The following ANKRD12 variants were observed in gnomAD, a reference collection of about 807,000 sequenced individuals.
ANKRD12 encodes the protein ankyrin repeat domain 12, also known as ankyrin repeat domain-containing protein 12.
A neutral mutation model predicts 183.4 loss-of-function variants in ANKRD12; 85 were observed. The observed-to-expected ratio is 0.46, with a 90% CI of 0.39 to 0.56. The LOEUF (loss-of-function observed/expected upper bound fraction) is 0.56, where lower values mean the gene tolerates loss of function less well. Ranked by LOEUF, ANKRD12 falls within the 20% of genes least tolerant of loss-of-function variation. The pLI, the probability that ANKRD12 is intolerant of heterozygous loss-of-function variation, is 0.00. For synonymous variants in ANKRD12, 914 were observed against 800.2 expected (o/e 1.14, Z -2.40); for missense variants, 2,405 against 2,357.1 (o/e 1.02, Z -0.42).
rs182831176 is a variant in ANKRD12, at chr18:9,158,247, G to A, written c.-52+21282G>A. On this transcript the variant is annotated intron_variant, in intron 1 of 12. Coordinates refer to ENST00000262126, the MANE Select transcript of ANKRD12 (RefSeq NM_015208.5). Reference sequence around the variant, plus strand: ...CATCTTACATTGGGATGATACATATGTCCCAAATAAAAAACCAATATTAAT... The same window carrying A: ...CATCTTACATTGGGATGATACATATATCCCAAATAAAAAACCAATATTAAT... Among the ~76,000 whole-genome samples the A allele has an allele frequency of 2.0e-5, 3 of 152,202 alleles. No homozygotes were observed. The East Asian group carries it at 5.8e-4, about 29-fold the overall frequency.
rs1567974038 is a variant in ANKRD12 at position 9,255,867 on chromosome 18, TAAAA to T, written c.2601_2604del (p.Ile867MetfsTer55). On this transcript the variant is annotated frameshift_variant, in exon 9 of 13. Coordinates refer to ENST00000262126, the MANE Select transcript of ANKRD12 (RefSeq NM_015208.5). LOFTEE classifies it high-confidence loss of function. ...GATCTTAGTGAATGTGTTGATAAAATAAAAGAAAAGGACAAGCTATATTCGCATC... is the reference window on the plus strand; with the variant it reads ...GATCTTAGTGAATGTGTTGATAAAATGAAAAGGACAAGCTATATTCGCATC... 3 of 1,586,678 alleles carry T rather than the reference TAAAA, an allele frequency of 1.9e-6. No individual in the cohort carries two copies. Among genetic ancestry groups the T allele is most frequent in the African/African-American group, 1.4e-5 (1 of 72,900 alleles).
chr18:9,227,959 A>G (rs1048573097), intron 8 of ANKRD12, among the ~76,000 whole-genome samples: 3 of 152,012 alleles, frequency 2.0e-5, no homozygotes, highest in Non-Finnish European at 4.4e-5. Flanking sequence ...TCCCCCACCA[A>G]TCCCCTTCCC....
At chr18:9,245,038 A>C (rs1488005968) in intron 8 of ANKRD12, among the ~76,000 whole-genome samples, 1 of 152,210 alleles carries the variant, frequency 6.6e-6, no homozygotes, top group Non-Finnish European at 1.5e-5. Context: ...ATAAAATATC[A>C]CTAAAATATA....
At chr18:9,270,168 CTG>C (rs1374047227) in intron 10 of ANKRD12, among the ~76,000 whole-genome samples, 1 of 152,230 alleles carries the variant, frequency 6.6e-6, no homozygotes, top group African/African-American at 2.4e-5. Context: ...GTTGGTGGGA[CTG>C]TAAACTAGTT....
intron 10 of ANKRD12, among the ~76,000 whole-genome samples, chr18:9,265,819 C>G (rs1355762814): frequency 6.6e-6 from 1 of 152,134 alleles, no homozygotes; most frequent in Non-Finnish European, 1.5e-5. Flanking sequence ...GATCAAACTA[C>G]TCCGAGATAA....
chr18:9,188,018 T>C (rs2034214148), intron 2 of ANKRD12, among the ~76,000 whole-genome samples: 1 of 152,268 alleles, frequency 6.6e-6, no homozygotes, highest in African/African-American at 2.4e-5. Context: ...AGAAATTACC[T>C]ATTACCTTGT....
rs1173676168 is a variant in ANKRD12, at chr18:9,173,876, A to G, written c.-51-8506A>G. Among the ~76,000 whole-genome samples the G allele has an allele frequency of 2.0e-5, 3 of 152,210 alleles. No homozygotes were observed. In the East Asian group the frequency reaches 5.8e-4, roughly 29 times the overall value. On this transcript the variant is annotated intron_variant, in intron 1 of 12. Transcript: ENST00000262126. The stretch of plus-strand genomic sequence containing the variant: ...GTCATTCGTGTACCCTAAAACTTAA[A>G]GTATAAAAAAATAATAAGAAGAAGA...
chr18:9,194,503 C>T (rs917600399), intron 2 of ANKRD12, among the ~76,000 whole-genome samples: 5 of 151,922 alleles, frequency 3.3e-5, no homozygotes, highest in Middle Eastern at 3.2e-3. Context: ...ATTATAGGCA[C>T]CTGCCACCAC....
Position 9,148,635 on chromosome 18 carries a change from G to C in ANKRD12, c.-52+11670G>C, listed in dbSNP as rs977694939. On this transcript the variant is annotated intron_variant, in intron 1 of 12. Transcript: ENST00000262126. ...TATTTATTGCTGGAGCCAGAACTTA[G>C]GTTTCATTCTAGGCTTCTTGTTCTT... Among the ~76,000 whole-genome samples the C allele has an allele frequency of 2.6e-5, 4 of 152,148 alleles. No individual in the cohort carries two copies. The East Asian group carries it at 7.7e-4, about 29-fold the overall frequency.
chr18:9,236,528 T>C (rs1201020442), intron 8 of ANKRD12, among the ~76,000 whole-genome samples: 1 of 152,204 alleles, frequency 6.6e-6, no homozygotes, highest in Non-Finnish European at 1.5e-5. Context: ...ATTATTCAAC[T>C]GGAGACTTCA....
At position 9,255,410 on chromosome 18, in the gene ANKRD12, C is replaced by G. The variant is rs1308947821; in HGVS notation, c.2143C>G (p.His715Asp). ...TGAAGATCTCTTTTTAAATATGGAACATGAATCCTTAACATTAGAAAAAAA... is the reference window on the plus strand; with the variant it reads ...TGAAGATCTCTTTTTAAATATGGAAGATGAATCCTTAACATTAGAAAAAAA... ...ETEDLFLNME[H>D]ESLTLEKKSK... The change falls in exon 9 of 13, where the codon CAT (histidine) becomes GAT (aspartate). Residue 715 changes from histidine (H) to aspartate (D), a missense_variant. Physicochemically the swap from His to Asp is moderately conservative, Grantham distance 81. Around this residue, in one of 7 missense-constraint regions of ANKRD12, gnomAD observed 1,983 missense variants for 1,725.9 expected, o/e 1.15. Transcript: ENST00000262126. 6.3e-7 allele frequency: 1 copy of G among 1,578,934 alleles called. No individual in the cohort carries two copies.
rs556699449 is a variant in ANKRD12, at chr18:9,153,864, T to C, written c.-52+16899T>C. Among the ~76,000 whole-genome samples, 7 of 152,302 alleles carry C rather than the reference T, an allele frequency of 4.6e-5. No individual in the cohort carries two copies. The South Asian group carries it at 1.4e-3, about 32-fold the overall frequency. On this transcript the variant is annotated intron_variant, in intron 1 of 12. Transcript: ENST00000262126. ...TCTTCTAGCTCACTAATTCATTCTT[T>C]GGCTTATCTATTATATACCTAATCT...
chr18:9,272,960 T>C (rs991662153), intron 10 of ANKRD12, among the ~76,000 whole-genome samples: 1 of 151,674 alleles, frequency 6.6e-6, no homozygotes, highest in Non-Finnish European at 1.5e-5. Context: ...ATGGGAAACG[T>C]GGGGGTGGGG....
chr18:9,261,156 T>TC (rs2038941942), intron 9 of ANKRD12, among the ~76,000 whole-genome samples: 1 of 152,182 alleles, frequency 6.6e-6, no homozygotes. Flanking sequence ...TACAATCTTG[T>TC]CCCCATGGTG....
At position 9,257,145 on chromosome 18, in the gene ANKRD12, A is replaced by T; in HGVS notation, c.3878A>T (p.Asp1293Val). Reference sequence around the variant, plus strand: ...CATCTTAGGTCATCTTCTGTAGAAGATGTTAAACTAATTATAAGCGAGGGG... The same window carrying T: ...CATCTTAGGTCATCTTCTGTAGAAGTTGTTAAACTAATTATAAGCGAGGGG... ...TSHLRSSSVE[D>V]VKLIISEGRP... Residue 1293 changes from aspartate to valine, a missense_variant, in exon 9 of 13, where the codon GAT becomes GTT. Coordinates refer to ENST00000262126, the MANE Select transcript of ANKRD12 (RefSeq NM_015208.5). 1 of 1,614,168 alleles carries T rather than the reference A, an allele frequency of 6.2e-7. No homozygotes were observed. Among genetic ancestry groups the T allele is most frequent in the Non-Finnish European group, 8.5e-7 (1 of 1,180,002 alleles).
chr18:9,226,298 G>T (rs565725679), intron 8 of ANKRD12, among the ~76,000 whole-genome samples: 1 of 152,164 alleles, frequency 6.6e-6, no homozygotes, highest in East Asian at 1.9e-4. Context: ...GGTGGTGCGT[G>T]CCTGTAGTCC....
chr18:9,209,535 G>A lies in ANKRD12; in HGVS notation c.451+732G>A, dbSNP rs73939807. Among the ~76,000 whole-genome samples the A allele has an allele frequency of 4.2e-3, 643 of 152,098 alleles. 8 individuals are homozygous for A. The highest frequency in any genetic ancestry group is 0.015 in the African/African-American group (627 of 41,486). On this transcript the variant is annotated intron_variant, in intron 5 of 12. Coordinates refer to ENST00000262126, the MANE Select transcript of ANKRD12 (RefSeq NM_015208.5). ...CTGTATTGCCTCTTTTTAAAAAACG[G>A]GATGACATGGTTAAATTCTTAAGAG...
At chr18:9,168,563 G>A (rs2032334503) in intron 1 of ANKRD12, among the ~76,000 whole-genome samples, 1 of 151,952 alleles carries the variant, frequency 6.6e-6, no homozygotes, top group Non-Finnish European at 1.5e-5. Flanking sequence ...ATCGGTGGTG[G>A]TATCCCCTTT....
chr18:9,273,403 A>C (rs2145432117), intron 10 of ANKRD12, among the ~76,000 whole-genome samples: 2 of 152,344 alleles, frequency 1.3e-5, no homozygotes, highest in Middle Eastern at 6.8e-3. Context: ...TTTCTATAAA[A>C]ATATTCATTA....
Sources: gnomAD v4.1 joint callset for allele counts (sites outside exome capture counted in the v4.1 genomes callset) on GRCh38, gnomAD v4.1.1 for gene constraint, gnomAD v4.1.1 regional missense constraint, MANE v1.5 for transcripts, NCBI Gene and HGNC (gene_info 2026-07-23, HGNC 2026-07-21) for gene names.